EMID1: variants seen among roughly 807,000 people sequenced by gnomAD.
EMID1 encodes EMI domain-containing protein 1.
A neutral mutation model predicts 60.6 loss-of-function variants in EMID1; 40 were observed. That is an observed-to-expected ratio of 0.66 (90% CI 0.51 to 0.86). EMID1 has a LOEUF of 0.86. Ranked by LOEUF, EMID1 falls within the 40% of genes least tolerant of loss-of-function variation. EMID1 has a pLI of 0.00. For missense variants in EMID1, 585 were observed against 597.1 expected (o/e 0.98, Z 0.21); for synonymous variants, 242 against 231.0 (o/e 1.05, Z -0.43).
intron 2 of EMID1, chr22:29,215,260 C>T (rs560574124): frequency 1.0e-6 from 1 of 985,434 alleles, no homozygotes; most frequent in East Asian, 1.1e-4. Context: ...GCCTGCATTC[C>T]TTTACTCAGT....
At chr22:29,246,428 G>T (rs2041334045) in intron 13 of EMID1, among the ~76,000 whole-genome samples, 2 of 151,990 alleles carry the variant, frequency 1.3e-5, no homozygotes, top group Admixed American at 1.3e-4. Flanking sequence ...AAGACAGTAG[G>T]TCGGGGGCTG....
At chr22:29,233,862 A>C in intron 10 of EMID1, 196 bp downstream of exon 10, 1 of 683,418 alleles carries the variant, frequency 1.5e-6, no homozygotes. Context: ...ATTCAATCCA[A>C]GTAATGAGAA....
chr22:29,249,419 C>T (rs919756761), intron 13 of EMID1, among the ~76,000 whole-genome samples: 4 of 151,852 alleles, frequency 2.6e-5, no homozygotes, highest in Admixed American at 6.6e-5. Context: ...GGCGTGCACG[C>T]ACACCACCAT....
At chr22:29,234,527 T>A (rs955744015) in intron 12 of EMID1, among the ~76,000 whole-genome samples, 178 bp downstream of exon 12, 1 of 152,186 alleles carries the variant, frequency 6.6e-6, no homozygotes, top group African/African-American at 2.4e-5. Flanking sequence ...CCTCTGTCTC[T>A]CTCACTCTGG....
chr22:29,258,848 C>T lies in EMID1; in HGVS notation c.1236C>T (p.Ala412=), dbSNP rs371660837. 45 of 1,612,960 alleles carry T rather than the reference C, an allele frequency of 2.8e-5. No individual in the cohort carries two copies. Among genetic ancestry groups the T allele is most frequent in the Non-Finnish European group, 3.5e-5 (41 of 1,179,768 alleles). ...AGCTGGGGTCTGGGGCGGGCCCTGC[C>T]GGCACAGGCACCCCCAGCCTCCTTC... The part of the protein sequence containing the change: ...EPELGSGAGP[A]GTGTPSLLRG... The change falls in exon 15 of 15, where the codon GCC becomes GCT. Residue 412 remains alanine, a synonymous_variant. Transcript: ENST00000334018.
intron 3 of EMID1, among the ~76,000 whole-genome samples, chr22:29,222,425 T>C (rs132387): frequency 1.1e-5 from 1 of 90,308 alleles, no homozygotes; most frequent in Admixed American, 1.1e-4. Flanking sequence ...TTTTTTTTTT[T>C]GAGGAGTCTC....
At chr22:29,224,464 A>AG (rs1380680280) in intron 3 of EMID1, among the ~76,000 whole-genome samples, 1 of 152,064 alleles carries the variant, frequency 6.6e-6, no homozygotes, top group African/African-American at 2.4e-5. Flanking sequence ...GGGGAGGGTG[A>AG]GGGGGGTTCT....
intron 5 of EMID1, among the ~76,000 whole-genome samples, chr22:29,229,192 G>A (rs933042416): frequency 6.6e-6 from 1 of 151,630 alleles, no homozygotes; most frequent in African/African-American, 2.4e-5. Context: ...AAATTAGCTA[G>A]GCTTAGTGGC....
chr22:29,213,659 G>T (rs1395581538), intron 1 of EMID1, among the ~76,000 whole-genome samples: 1 of 152,158 alleles, frequency 6.6e-6, no homozygotes, highest in Non-Finnish European at 1.5e-5. Context: ...CCTCAGCCCT[G>T]CACAGGGTCA....
At chr22:29,221,669 C>T (rs928512578) in intron 3 of EMID1, among the ~76,000 whole-genome samples, 2 of 152,082 alleles carry the variant, frequency 1.3e-5, no homozygotes, top group African/African-American at 2.4e-5. Flanking sequence ...CCACCACGCC[C>T]GGCCAGGATA....
intron 5 of EMID1, among the ~76,000 whole-genome samples, chr22:29,228,360 AT>A (rs1376563408): frequency 6.6e-6 from 1 of 152,186 alleles, no homozygotes; most frequent in Non-Finnish European, 1.5e-5. Flanking sequence ...ATTAATTTAA[AT>A]TAAAAAGTAC....
chr22:29,209,526 GGCCGGAGCTGCT>G (rs1490024770), intron 1 of EMID1, among the ~76,000 whole-genome samples: 1 of 152,182 alleles, frequency 6.6e-6, no homozygotes, highest in African/African-American at 2.4e-5. Flanking sequence ...CAGCTCCTCT[GGCCGGAGCTGCT>G]GCCTGTTCTC....
chr22:29,256,413 G>A (rs543923268), intron 14 of EMID1, among the ~76,000 whole-genome samples: 5 of 147,314 alleles, frequency 3.4e-5, no homozygotes, highest in South Asian at 2.1e-4. Context: ...GCAGTGAGCC[G>A]AGACCGCACC....
Position 29,233,363 on chromosome 22 carries a change from A to G in EMID1, c.824-16A>G. Reference sequence around the variant, plus strand: ...CTCTACCCAGCTCTACTCACTCATCATCTTTGCTCACCCAGGAGACCCATT... The same window carrying G: ...CTCTACCCAGCTCTACTCACTCATCGTCTTTGCTCACCCAGGAGACCCATT... On this transcript the variant is annotated splice_polypyrimidine_tract_variant and intron_variant, in intron 8 of 14. Transcript: ENST00000334018. 1 of 1,613,640 alleles carries G rather than the reference A, an allele frequency of 6.2e-7. No homozygotes were observed. Among genetic ancestry groups the G allele is most frequent in the Admixed American group, 1.7e-5 (1 of 60,004 alleles).
At chr22:29,255,167 C>G in intron 14 of EMID1, 1 of 716,592 alleles carries the variant, frequency 1.4e-6, no homozygotes, top group Admixed American at 3.0e-5. Flanking sequence ...AGGCTCCTGC[C>G]CTGACGCCAG....
At chr22:29,209,339 G>T (rs1292853674) in intron 1 of EMID1, among the ~76,000 whole-genome samples, 2 of 152,050 alleles carry the variant, frequency 1.3e-5, no homozygotes, top group Non-Finnish European at 2.9e-5. Context: ...GAAGTGTTGG[G>T]CCCAGGAGGG....
intron 12 of EMID1, among the ~76,000 whole-genome samples, chr22:29,236,829 C>A (rs1234186116): frequency 6.7e-6 from 1 of 149,678 alleles, no homozygotes; most frequent in African/African-American, 2.5e-5. Context: ...CAGAGTCTTG[C>A]TCTGTCGCCC....
intron 13 of EMID1, among the ~76,000 whole-genome samples, chr22:29,250,733 A>ATTTTTTTTTTTTTTTTTTTT (rs748172215): frequency 4.4e-5 from 1 of 22,476 alleles, no homozygotes; most frequent in Non-Finnish European, 9.0e-5. Context: ...CACCCGGCTA[A>ATTTTTTTTTTTTTTTTTTTT]TTTTTTTTTT....
intron 13 of EMID1, among the ~76,000 whole-genome samples, chr22:29,252,485 G>C (rs1372054209): frequency 6.6e-6 from 1 of 150,678 alleles, no homozygotes; most frequent in Non-Finnish European, 1.5e-5. Context: ...TTGTCATCCT[G>C]GTGCACTGTT....
Sources: gnomAD v4.1 joint callset for allele counts (sites outside exome capture counted in the v4.1 genomes callset) on GRCh38, gnomAD v4.1.1 for gene constraint, MANE v1.5 for transcripts, NCBI Gene and HGNC (gene_info 2026-07-23, HGNC 2026-07-21) for gene names.